The following ZNF277 variants were observed in gnomAD, a reference collection of about 807,000 sequenced individuals.
ZNF277 encodes the protein zinc finger protein 277.
In ZNF277, 55 loss-of-function variants were observed where a neutral mutation model predicts 60.7. The observed-to-expected ratio is 0.91, with a 90% CI of 0.73 to 1.13. ZNF277 has a LOEUF of 1.13. Ranked by LOEUF, ZNF277 falls within the 50% of genes most tolerant of loss-of-function variation. The probability of loss-of-function intolerance (pLI) is 0.00; values close to 1 mark genes in which losing one functional copy is unlikely to be tolerated. For synonymous variants in ZNF277, 178 were observed against 179.3 expected, an observed-to-expected ratio of 0.99 and a Z score of 0.06; for missense variants, 510 against 523.0, an observed-to-expected ratio of 0.98 and a Z score of 0.24.
intron 1 of ZNF277, among the ~76,000 whole-genome samples, chr7:112,274,042 GAT>G (rs35887204): frequency 0.15 from 22,430 of 147,322 alleles, 1,693 homozygotes; most frequent in Middle Eastern, 0.17. Flanking sequence ...TATAGTATGA[GAT>G]ATATATATAT....
At chr7:112,255,360 GA>G (rs1156419486) in intron 1 of ZNF277, among the ~76,000 whole-genome samples, 7 of 152,162 alleles carry the variant, frequency 4.6e-5, no homozygotes, top group Non-Finnish European at 8.8e-5. Context: ...TCCAGAAGTT[GA>G]AGATCCAGGC....
At position 112,333,021 on chromosome 7, in the gene ZNF277, T is replaced by G. The variant is rs1354620771; in HGVS notation, c.801+2805T>G. Among the ~76,000 whole-genome samples, 16 of 152,274 alleles carry G rather than the reference T, an allele frequency of 1.1e-4. No individual in the cohort carries two copies. In the East Asian group the frequency reaches 2.7e-3, roughly 26 times the overall value. On this transcript the variant is annotated intron_variant, in intron 7 of 11. Coordinates refer to ENST00000361822, the MANE Select transcript of ZNF277 (RefSeq NM_021994.3). Reference sequence around the variant, plus strand: ...TAGAGAAAAATAAAGGCCAGTGTCTTCTCAGTATCATGTTAGTATTATTTC... The same window carrying G: ...TAGAGAAAAATAAAGGCCAGTGTCTGCTCAGTATCATGTTAGTATTATTTC...
chr7:112,232,278 A>G (rs1225027505), intron 1 of ZNF277, among the ~76,000 whole-genome samples: 1 of 152,072 alleles, frequency 6.6e-6, no homozygotes, highest in East Asian at 1.9e-4. Flanking sequence ...CAAGGTACCA[A>G]CTAGACAACC....
rs762824873 is a variant in ZNF277, at chr7:112,310,478, A to AGAGAGAGAGAGAGAGAGAGAGAGAGT, written c.466-7703_466-7702insAGAGAGAGAGAGAGAGAGAGAGAGTG. 4.4e-3 allele frequency among the ~76,000 whole-genome samples: 555 copies of AGAGAGAGAGAGAGAGAGAGAGAGAGT among 125,452 alleles called. 11 individuals carry two copies. Among genetic ancestry groups the AGAGAGAGAGAGAGAGAGAGAGAGAGT allele is most frequent in the Middle Eastern group, 0.011 (3 of 266 alleles). The allele number at this position is 125,452 out of a possible 152,430, so 82.3% of individuals were successfully genotyped here. ...TTGAGAGAGAGAGAGAGAGAGAGAGAGTGTGTGTGTGTGTATGTATTTTAT... is the reference window on the plus strand; with the variant it reads ...TTGAGAGAGAGAGAGAGAGAGAGAGAGAGAGAGAGAGAGAGAGAGAGAGAGTGTGTGTGTGTGTGTATGTATTTTAT... On this transcript the variant is annotated intron_variant, in intron 4 of 11. Coordinates refer to ENST00000361822, the MANE Select transcript of ZNF277 (RefSeq NM_021994.3).
At chr7:112,240,035 A>T (rs1230755295) in intron 1 of ZNF277, among the ~76,000 whole-genome samples, 1 of 152,182 alleles carries the variant, frequency 6.6e-6, no homozygotes, top group Non-Finnish European at 1.5e-5. Context: ...TTAGCTTATC[A>T]GTTTAAAATA....
chr7:112,261,409 A>C (rs1475262113), intron 1 of ZNF277, among the ~76,000 whole-genome samples: 1 of 152,224 alleles, frequency 6.6e-6, no homozygotes, highest in African/African-American at 2.4e-5. Flanking sequence ...ATGGCATTTC[A>C]TATGCCTAGC....
intron 1 of ZNF277, among the ~76,000 whole-genome samples, chr7:112,264,240 C>G (rs751252122): frequency 9.2e-5 from 14 of 151,824 alleles, no homozygotes; most frequent in Non-Finnish European, 1.9e-4. Context: ...AACCCGTTGC[C>G]CTGGCCTACA....
intron 7 of ZNF277, among the ~76,000 whole-genome samples, chr7:112,332,058 A>T (rs184540401): frequency 6.6e-6 from 1 of 152,316 alleles, no homozygotes; most frequent in Admixed American, 6.5e-5. Flanking sequence ...TGCCAGGGCC[A>T]GCCATCTCTG....
chr7:112,331,501 T>C (rs1305562299), intron 7 of ZNF277, among the ~76,000 whole-genome samples: 1 of 152,206 alleles, frequency 6.6e-6, no homozygotes, highest in African/African-American at 2.4e-5. Context: ...TTTTATCTAT[T>C]GGATAGAAAC....
intron 1 of ZNF277, among the ~76,000 whole-genome samples, chr7:112,281,858 A>G (rs1232161027): frequency 6.6e-6 from 1 of 152,004 alleles, no homozygotes; most frequent in Non-Finnish European, 1.5e-5. Context: ...TTCAAGATGG[A>G]GTCTTGCTCT....
intron 1 of ZNF277, among the ~76,000 whole-genome samples, chr7:112,217,314 G>A (rs1178624101): frequency 1.3e-5 from 2 of 152,118 alleles, no homozygotes; most frequent in Non-Finnish European, 2.9e-5. Context: ...AAGGGAGGGA[G>A]CAATAGAAAA....
At position 112,215,324 on chromosome 7, in the gene ZNF277, A is replaced by G. The variant is rs142696918; in HGVS notation, c.91+8517A>G. ...ATCAAGACAAATCCCACATTATACA[A>G]TATATAAACTCTGTAAGGACAGGAA... On this transcript the variant is annotated intron_variant, in intron 1 of 11. Coordinates refer to ENST00000361822, the MANE Select transcript of ZNF277 (RefSeq NM_021994.3). Among the ~76,000 whole-genome samples, 1,500 of 152,354 alleles carry G rather than the reference A, an allele frequency of 9.8e-3. 9 individuals carry two copies. The highest frequency in any genetic ancestry group is 0.014 in the Non-Finnish European group (962 of 68,042).
At chr7:112,326,805 G>T (rs908163445) in intron 5 of ZNF277, among the ~76,000 whole-genome samples, 2 of 152,082 alleles carry the variant, frequency 1.3e-5, no homozygotes, top group Non-Finnish European at 2.9e-5. Context: ...ACTATGCATA[G>T]TCTATCAATG....
At chr7:112,241,911 T>C (rs1021959562) in intron 1 of ZNF277, among the ~76,000 whole-genome samples, 2 of 152,032 alleles carry the variant, frequency 1.3e-5, no homozygotes, top group African/African-American at 4.8e-5. Flanking sequence ...TATAGTCAGA[T>C]AGAGTGAATA....
chr7:112,306,918 C>G (rs1426487053), intron 4 of ZNF277, among the ~76,000 whole-genome samples: 1 of 152,012 alleles, frequency 6.6e-6, no homozygotes, highest in Non-Finnish European at 1.5e-5. Flanking sequence ...AGCTCTTACA[C>G]CCCAGAACAC....
intron 1 of ZNF277, among the ~76,000 whole-genome samples, chr7:112,208,881 C>A (rs948730863): frequency 6.6e-6 from 1 of 151,994 alleles, no homozygotes; most frequent in Non-Finnish European, 1.5e-5. Context: ...GGGGTTTCAC[C>A]GTGTTAGCCA....
intron 1 of ZNF277, among the ~76,000 whole-genome samples, chr7:112,268,518 C>G (rs1035275316): frequency 6.6e-6 from 1 of 151,830 alleles, no homozygotes; most frequent in Non-Finnish European, 1.5e-5. Flanking sequence ...TTGGTAAACA[C>G]TAGATCATTA....
chr7:112,251,471 G>T (rs1485096973), intron 1 of ZNF277, among the ~76,000 whole-genome samples: 1 of 152,198 alleles, frequency 6.6e-6, no homozygotes. Flanking sequence ...GTGTTACTCA[G>T]TCAAATGAAA....
chr7:112,256,581 G>A (rs1207752807), intron 1 of ZNF277, among the ~76,000 whole-genome samples: 1 of 151,938 alleles, frequency 6.6e-6, no homozygotes, highest in African/African-American at 2.4e-5. Context: ...GAGTAGCTGG[G>A]ATTACAGATG....
Sources: gnomAD v4.1 joint callset for allele counts (sites outside exome capture counted in the v4.1 genomes callset) on GRCh38, gnomAD v4.1.1 for gene constraint, MANE v1.5 for transcripts, NCBI Gene and HGNC (gene_info 2026-07-23, HGNC 2026-07-21) for gene names.